Variants in LIX1 observed in about 807,000 individuals in gnomAD.
LIX1 encodes limb and CNS expressed 1.
A neutral mutation model predicts 33.4 loss-of-function variants in LIX1; 24 were observed. That is an observed-to-expected ratio of 0.72 (90% CI 0.52 to 1.01). LIX1 has a LOEUF of 1.01. Among genes scored for constraint, LIX1 ranks in the 50% least tolerant of loss-of-function variants. The pLI, the probability that LIX1 is intolerant of heterozygous loss-of-function variation, is 0.00. For missense variants in LIX1, 311 were observed against 339.2 expected, an observed-to-expected ratio of 0.92 and a Z score of 0.65; for synonymous variants, 124 against 124.0, an observed-to-expected ratio of 1.00 and a Z score of 0.00.
intron 4 of LIX1, among the ~76,000 whole-genome samples, chr5:97,098,782 C>G (rs1287534368): frequency 6.6e-6 from 1 of 152,114 alleles, no homozygotes; most frequent in Non-Finnish European, 1.5e-5. Context: ...GGAAGAGGTT[C>G]TCTTATGAAA....
At chr5:97,123,092 G>A (rs924213604) in intron 2 of LIX1, among the ~76,000 whole-genome samples, 5 of 152,078 alleles carry the variant, frequency 3.3e-5, no homozygotes, top group African/African-American at 1.2e-4. Context: ...TCTGGGCAAT[G>A]GGCTTTTTAG....
rs974847217 is a variant in LIX1, at chr5:97,093,977, A to G, written c.*771T>C. On this transcript the variant is annotated 3_prime_UTR_variant, in exon 6 of 6. Transcript: ENST00000274382. ...AAATAAGAACAAATTAGTTCAGGTT[A>G]TCGATTTGCAAATTAAAAATGAACA... is the stretch of plus-strand genomic sequence containing the variant. The G allele has an allele frequency of 2.0e-5, 3 of 152,384 alleles. No individual in the cohort carries two copies. Among genetic ancestry groups the G allele is most frequent in the Non-Finnish European group, 2.9e-5 (2 of 68,038 alleles). The allele number at this position is 152,384 out of a possible 1,614,324, so 9.4% of individuals were successfully genotyped here. A position where few individuals can be genotyped will look rare whatever the true frequency, so the allele number is the denominator to read the frequency against.
chr5:97,101,920 G>A (rs565129601), intron 4 of LIX1: 21 of 152,274 alleles, frequency 1.4e-4, no homozygotes, highest in African/African-American at 5.1e-4. Context: ...GGAAAATTTA[G>A]CAAAGATGTA....
At chr5:97,102,033 C>G (rs1449680847) in intron 4 of LIX1, 2 of 152,128 alleles carry the variant, frequency 1.3e-5, no homozygotes, top group African/African-American at 4.8e-5. Context: ...GACCCAGTGA[C>G]TAGTGCTGCT....
intron 4 of LIX1, 100 bp from the exon 5 acceptor site, chr5:97,096,987 A>G: frequency 1.1e-6 from 1 of 898,010 alleles, no homozygotes. Flanking sequence ...ATCAGGAAAC[A>G]GAATACACAA....
Position 97,105,173 on chromosome 5 carries a change from G to A in LIX1, c.483+17C>T. On this transcript the variant is annotated intron_variant, in intron 4 of 5. Coordinates refer to ENST00000274382, the MANE Select transcript of LIX1 (RefSeq NM_153234.5). ...GGATTGGATAATCAAACAAATATGT[G>A]GCAGGCAGGCAGGTACCTGAAACTC... The A allele has an allele frequency of 6.3e-7, 1 of 1,596,684 alleles. No individual in the cohort carries two copies. Among genetic ancestry groups the A allele is most frequent in the Non-Finnish European group, 8.6e-7 (1 of 1,164,258 alleles).
At chr5:97,106,598 G>A (rs1012090219) in intron 3 of LIX1, among the ~76,000 whole-genome samples, 1 of 152,156 alleles carries the variant, frequency 6.6e-6, no homozygotes, top group Admixed American at 6.5e-5. Context: ...CACACAGGGC[G>A]ATACTTGCCA....
At position 97,142,606 on chromosome 5, in the gene LIX1, C is replaced by G. The variant is rs766058613; in HGVS notation, c.-30G>C. The G allele has an allele frequency of 1.9e-6, 3 of 1,559,250 alleles. No individual in the cohort carries two copies. The highest frequency in any genetic ancestry group is 2.7e-6 in the Non-Finnish European group (3 of 1,130,488). On this transcript the variant is annotated 5_prime_UTR_variant, in exon 1 of 6. Coordinates refer to ENST00000274382, the MANE Select transcript of LIX1 (RefSeq NM_153234.5). ...GGTCTGCCTGTGTGAGCCTCCTGTA[C>G]AGAGTGTCCTCATGCCTGAATTCTT...
intron 3 of LIX1, among the ~76,000 whole-genome samples, chr5:97,106,408 G>A (rs142806423): frequency 3.3e-4 from 50 of 152,332 alleles, no homozygotes; most frequent in African/African-American, 1.1e-3. Flanking sequence ...ATTTATGAGG[G>A]GAAAAGGGTC....
chr5:97,100,585 C>A (rs1746642762), intron 4 of LIX1, among the ~76,000 whole-genome samples: 1 of 152,086 alleles, frequency 6.6e-6, no homozygotes, highest in African/African-American at 2.4e-5. Context: ...TCACATTTTC[C>A]CAAAACTATT....
intron 2 of LIX1, among the ~76,000 whole-genome samples, chr5:97,120,229 A>T (rs747533686): frequency 6.6e-6 from 1 of 152,204 alleles, no homozygotes; most frequent in African/African-American, 2.4e-5. Flanking sequence ...ATCTTAGCTG[A>T]CTATTGGTTA....
chr5:97,139,836 T>TA (rs1392329727), intron 1 of LIX1, among the ~76,000 whole-genome samples: 2 of 152,066 alleles, frequency 1.3e-5, no homozygotes, highest in Admixed American at 6.5e-5. Context: ...GAAGAGAAAA[T>TA]AAAAAAAGAA....
At chr5:97,134,627 A>G (rs1489458460) in intron 1 of LIX1, among the ~76,000 whole-genome samples, 1 of 152,242 alleles carries the variant, frequency 6.6e-6, no homozygotes, top group Admixed American at 6.5e-5. Flanking sequence ...GGAACCCTAA[A>G]CAATTGAAAG....
In LIX1 at chr5:97,094,725, A is replaced by AGG; in HGVS notation, c.*21_*22dup. ...GTTAATCTGGCCTCTGCCATCACTGAGGGTACCCGGGGCTTGGCCTTGCTA... is the reference window on the plus strand; with the variant it reads ...GTTAATCTGGCCTCTGCCATCACTGAGGGGGTACCCGGGGCTTGGCCTTGCTA... On this transcript the variant is annotated 3_prime_UTR_variant, in exon 6 of 6. Coordinates refer to ENST00000274382, the MANE Select transcript of LIX1 (RefSeq NM_153234.5). 1.2e-6 allele frequency: 2 copies of AGG among 1,606,862 alleles called. No homozygotes were observed. The highest frequency in any genetic ancestry group is 1.7e-6 in the Non-Finnish European group (2 of 1,175,282).
chr5:97,117,934 A>G (rs1035213346), intron 2 of LIX1, among the ~76,000 whole-genome samples: 11 of 151,836 alleles, frequency 7.2e-5, no homozygotes, highest in Non-Finnish European at 8.8e-5. Flanking sequence ...AAAAAAAAAA[A>G]AAGGTCAATC....
intron 2 of LIX1, 36 bp from the exon 3 acceptor site, chr5:97,107,536 A>G: frequency 5.6e-6 from 9 of 1,611,612 alleles, no homozygotes; most frequent in Non-Finnish European, 6.8e-6. Flanking sequence ...TCATTTGAGA[A>G]TTTAGCATTT....
intron 2 of LIX1, among the ~76,000 whole-genome samples, chr5:97,111,898 C>T (rs188789504): frequency 6.6e-6 from 1 of 152,136 alleles, no homozygotes; most frequent in Non-Finnish European, 1.5e-5. Flanking sequence ...AGAGACCTAA[C>T]CAATACCAAG....
At chr5:97,110,552 C>G (rs1458334595) in intron 2 of LIX1, among the ~76,000 whole-genome samples, 1 of 152,144 alleles carries the variant, frequency 6.6e-6, no homozygotes, top group African/African-American at 2.4e-5. Context: ...TCAAGCAAGT[C>G]TCCTGCCTCA....
chr5:97,105,580 C>T lies in LIX1; in HGVS notation c.388-295G>A, dbSNP rs183287392. Among the ~76,000 whole-genome samples, 18 of 152,298 alleles carry T rather than the reference C, an allele frequency of 1.2e-4. No individual in the cohort carries two copies. The East Asian group carries it at 1.7e-3, about 15-fold the overall frequency. On this transcript the variant is annotated intron_variant, in intron 3 of 5. Transcript: ENST00000274382. ...TGTTAACATTTGCATGGCTGAGCTC[C>T]GAAACTGCCTTCGTTGGCTATTGAA...
Sources: allele counts gnomAD v4.1 joint callset (sites outside exome capture counted in the v4.1 genomes callset), GRCh38; gene constraint gnomAD v4.1.1; transcripts MANE v1.5; gene names NCBI Gene and HGNC (gene_info 2026-07-23, HGNC 2026-07-21).